SET: variants seen among roughly 807,000 people sequenced by gnomAD.
SET encodes the protein SET nuclear proto-oncogene.
A neutral mutation model predicts 39.0 loss-of-function variants in SET; 4 were observed. The observed-to-expected ratio is 0.10, with a 90% CI of 0.05 to 0.23. SET has a LOEUF of 0.23. SET is among the 10% of genes least tolerant of loss of function. The pLI is 1.00. For missense variants in SET, 137 were observed against 329.7 expected, an observed-to-expected ratio of 0.42 and a Z score of 4.53; for synonymous variants, 114 against 115.9, an observed-to-expected ratio of 0.98 and a Z score of 0.11.
upstream of SET, chr9:128,685,009 C>T (rs1861237684): frequency 1.4e-6 from 2 of 1,449,962 alleles, no homozygotes; most frequent in Non-Finnish European, 1.8e-6. Context: ...CCTTCCTGGG[C>T]TGGGTGTGGA....
At chr9:128,692,584 A>T in intron 3 of SET, 78 bp from the exon 4 acceptor site, 1 of 1,003,222 alleles carries the variant, frequency 1.0e-6, no homozygotes, top group Non-Finnish European at 1.6e-6. Context: ...AGTTCGGAAA[A>T]ATTTTAAAGG....
At chr9:128,685,758 G>A (rs1156979485), upstream of SET, among the ~76,000 whole-genome samples, 3 of 152,180 alleles carry the variant, frequency 2.0e-5, no homozygotes, top group Non-Finnish European at 4.4e-5. Context: ...GGGGCCGGGC[G>A]CGGTGGCTGA....
chr9:128,689,137 A>C, upstream of SET: 5 of 347,634 alleles, frequency 1.4e-5, no homozygotes, highest in Non-Finnish European at 2.0e-5. Context: ...CCCGCCGCCC[A>C]GGCCAATGGC....
chr9:128,689,906 G>GA (rs1861452464), intron 1 of SET: 1 of 165,952 alleles, frequency 6.0e-6, no homozygotes, highest in Non-Finnish European at 1.2e-5. Flanking sequence ...GGGCGGAGGA[G>GA]ACCCCCCCTT....
In SET at chr9:128,696,078, T is replaced by C. The variant is rs535041774; in HGVS notation, c.*1414T>C. ...GACCATGTGAATCTGGGTGGGATAATGGACTCAGCTCTGTCTGCTCAATGC... is the reference window on the plus strand; with the variant it reads ...GACCATGTGAATCTGGGTGGGATAACGGACTCAGCTCTGTCTGCTCAATGC... On this transcript the variant is annotated 3_prime_UTR_variant, in exon 8 of 8. Transcript: ENST00000322030. The C allele has an allele frequency of 4.0e-5, 9 of 223,186 alleles. No homozygotes were observed. Among genetic ancestry groups the C allele is most frequent in the African/African-American group, 1.1e-4 (5 of 45,100 alleles). The allele number at this position is 223,186 out of a possible 1,614,324, so 13.8% of individuals were successfully genotyped here. A position where few individuals can be genotyped will look rare whatever the true frequency, so the allele number is the denominator to read the frequency against.
chr9:128,694,445 T>G (rs985877352), intron 7 of SET, among the ~76,000 whole-genome samples, 196 bp from the exon 8 acceptor site: 2 of 152,188 alleles, frequency 1.3e-5, no homozygotes, highest in African/African-American at 4.8e-5. Flanking sequence ...TGATCCGAAA[T>G]ATACCTGATT....
At chr9:128,692,417 A>AAC (rs1554776635) in intron 3 of SET, 1 of 259,894 alleles carries the variant, frequency 3.8e-6, no homozygotes. Context: ...AAAAAAAAAA[A>AAC]AAAAACCTCA....
Position 128,695,805 on chromosome 9 carries a change from C to G in SET, c.*1141C>G, listed in dbSNP as rs1564363963. On this transcript the variant is annotated 3_prime_UTR_variant, in exon 8 of 8. Coordinates refer to ENST00000322030, the MANE Select transcript of SET (RefSeq NM_003011.4). ...CAGATAGCTCAATACTCTCTGAGTA[C>G]ATTGTGCCCTTGATTTTTATCTCCA... 8.8e-6 allele frequency: 2 copies of G among 228,072 alleles called. No individual in the cohort carries two copies. Among genetic ancestry groups the G allele is most frequent in the Non-Finnish European group, 1.8e-5 (2 of 114,172 alleles). 14.1% of individuals were successfully genotyped at this position (228,072 alleles called of 1,614,324 possible).
At chr9:128,693,369 T>A (rs1336132525) in intron 5 of SET, among the ~76,000 whole-genome samples, 1 of 152,216 alleles carries the variant, frequency 6.6e-6, no homozygotes, top group African/African-American at 2.4e-5. Flanking sequence ...ACATCCGTAT[T>A]TAGGTAGTAA....
At chr9:128,690,851 C>G (rs1304905542) in intron 1 of SET, 2 of 332,808 alleles carry the variant, frequency 6.0e-6, no homozygotes, top group Non-Finnish European at 1.1e-5. Flanking sequence ...AAATAATAAA[C>G]GTGAAGACTT....
chr9:128,691,784 CA>C, intron 2 of SET, 73 bp from the exon 3 acceptor site: 5 of 1,406,358 alleles, frequency 3.6e-6, no homozygotes, highest in Non-Finnish European at 4.8e-6. Context: ...TAAGTAAATA[CA>C]CTCTGTAATC....
At position 128,689,269 on chromosome 9, in the gene SET, G is replaced by T. The variant is rs1298228406; in HGVS notation, c.-314G>T. 5.0e-6 allele frequency: 5 copies of T among 1,009,500 alleles called. No individual in the cohort carries two copies. The highest frequency in any genetic ancestry group is 6.0e-5 in the Admixed American group (1 of 16,760). The allele number at this position is 1,009,500 out of a possible 1,614,324, so 62.5% of individuals were successfully genotyped here. On this transcript the variant is annotated 5_prime_UTR_variant, in exon 1 of 8. Transcript: ENST00000322030. ...AGGAGGAGGCGGCTCGGGAGAGCGA[G>T]CAGCGAGCTGGCTGGATCGCCGAGC...
rs1042548084 is a variant in SET at position 128,694,824 on chromosome 9, T to C, written c.*160T>C. ...CTCTACTCCATGGTTCTCAATTTAT[T>C]TGGGGGGAAATACCTTGAGCAGAAT... is the stretch of plus-strand genomic sequence containing the variant. On this transcript the variant is annotated 3_prime_UTR_variant, in exon 8 of 8. Transcript: ENST00000322030. 1.2e-4 allele frequency: 60 copies of C among 497,628 alleles called. No individual in the cohort carries two copies. In the Middle Eastern group the frequency reaches 4.7e-3, roughly 39 times the overall value. 30.8% of individuals were successfully genotyped at this position (497,628 alleles called of 1,614,324 possible).
intron 5 of SET, among the ~76,000 whole-genome samples, 158 bp from the exon 6 acceptor site, chr9:128,693,480 G>C (rs1312941087): frequency 1.3e-5 from 2 of 152,162 alleles, no homozygotes; most frequent in Non-Finnish European, 2.9e-5. Context: ...TCTACCTGCT[G>C]CACAGTTTTA....
chr9:128,686,614 G>T (rs1449088980), upstream of SET, among the ~76,000 whole-genome samples: 1 of 152,088 alleles, frequency 6.6e-6, no homozygotes, highest in African/African-American at 2.4e-5. Context: ...CCTTGGTAAG[G>T]GTAAGTTTTG....
chr9:128,689,304 G>GGAGCC lies in SET; in HGVS notation c.-272_-268dup, dbSNP rs1861406424. 1 of 1,024,196 alleles carries GGAGCC rather than the reference G, an allele frequency of 9.8e-7. No individual in the cohort carries two copies. Among genetic ancestry groups the GGAGCC allele is most frequent in the South Asian group, 4.5e-5 (1 of 22,454 alleles). The allele number at this position is 1,024,196 out of a possible 1,614,324, so 63.4% of individuals were successfully genotyped here. A position where few individuals can be genotyped will look rare whatever the true frequency, so the allele number is the denominator to read the frequency against. ...GGCTGGATCGCCGAGCGCGAGTGAG[G>GGAGCC]GAGCCGAGCCGCCCGCCGCCGCCGC... On this transcript the variant is annotated 5_prime_UTR_variant, in exon 1 of 8. Coordinates refer to ENST00000322030, the MANE Select transcript of SET (RefSeq NM_003011.4).
exon 1 of SET, chr9:128,683,678 G>A: frequency 2.1e-6 from 1 of 487,174 alleles, no homozygotes; most frequent in Non-Finnish European, 3.7e-6. Context: ...GCGAGGCAGA[G>A]AGCAACTAAA....
intron 2 of SET, 54 bp downstream of exon 2, chr9:128,691,281 C>A (rs1390771968): frequency 5.4e-6 from 6 of 1,106,026 alleles, no homozygotes; most frequent in Non-Finnish European, 8.1e-6. Flanking sequence ...TGTCTAATAG[C>A]CCGGTAATTA....
chr9:128,691,070 TTTG>T (rs1564359763), intron 1 of SET, 97 bp from the exon 2 acceptor site: 1 of 938,690 alleles, frequency 1.1e-6, no homozygotes, highest in Non-Finnish European at 1.8e-6. Flanking sequence ...ACTAGGCGTT[TTTG>T]TTTTTGTTTT....
Sources: allele counts gnomAD v4.1 joint callset (sites outside exome capture counted in the v4.1 genomes callset), GRCh38; gene constraint gnomAD v4.1.1; transcripts MANE v1.5; gene names NCBI Gene and HGNC (gene_info 2026-07-23, HGNC 2026-07-21).